The following CDH5 variants were observed in gnomAD, a reference collection of about 807,000 sequenced individuals.
CDH5 encodes the protein cadherin 5.
A neutral mutation model predicts 62.0 loss-of-function variants in CDH5; 28 were observed. That is an observed-to-expected ratio of 0.45 (90% CI 0.33 to 0.62). The LOEUF (loss-of-function observed/expected upper bound fraction) is 0.62, where lower values mean the gene tolerates loss of function less well. CDH5 is among the 20% of genes least tolerant of loss of function. The pLI is 0.02. For missense variants in CDH5, 940 were observed against 1,065.1 expected, an observed-to-expected ratio of 0.88 and a Z score of 1.63; for synonymous variants, 464 against 445.8, an observed-to-expected ratio of 1.04 and a Z score of -0.52.
chr16:66,384,108 T>G (rs1960942757), intron 2 of CDH5, among the ~76,000 whole-genome samples: 1 of 133,902 alleles, frequency 7.5e-6, no homozygotes. Context: ...TTTTTGAGTC[T>G]GAGTCTCGCT....
intron 1 of CDH5, among the ~76,000 whole-genome samples, chr16:66,373,527 T>A (rs1351147454): frequency 1.3e-5 from 2 of 151,990 alleles, no homozygotes; most frequent in Non-Finnish European, 2.9e-5. Context: ...GCGATTCTCG[T>A]GCCTCAGCCT....
At chr16:66,372,311 A>T (rs1960706199) in intron 1 of CDH5, among the ~76,000 whole-genome samples, 1 of 152,246 alleles carries the variant, frequency 6.6e-6, no homozygotes, top group South Asian at 2.1e-4. Context: ...CACATAGTAG[A>T]TGCTCAATAA....
rs2142327985 is a variant in CDH5 at position 66,388,331 on chromosome 16, A to G, written c.507A>G (p.Ser169=). 6.2e-7 allele frequency: 1 copy of G among 1,609,924 alleles called. No homozygotes were observed. Among genetic ancestry groups the G allele is most frequent in the Non-Finnish European group, 8.5e-7 (1 of 1,176,138 alleles). The change falls in exon 4 of 12, where the codon TCA becomes TCG. Residue 169 remains serine, a synonymous_variant. Transcript: ENST00000341529. The stretch of plus-strand genomic sequence containing the variant: ...AGGATTCTCTCTCTGCAGGGACCTC[A>G]GTCATCTCTGTGACAGCAGTGGATG... ...SVPESSAVGT[S]VISVTAVDAD... is the part of the protein sequence containing the mutation.
chr16:66,396,266 G>T, intron 8 of CDH5, 65 bp downstream of exon 8: 2 of 1,597,240 alleles, frequency 1.3e-6, no homozygotes, highest in African/African-American at 2.7e-5. Flanking sequence ...TCCAAAACTG[G>T]CATAATCAAT....
intron 6 of CDH5, 75 bp downstream of exon 6, chr16:66,390,665 T>C (rs1420274774): frequency 6.4e-6 from 9 of 1,400,824 alleles, no homozygotes; most frequent in Non-Finnish European, 8.9e-6. Flanking sequence ...GCTTGGGGAT[T>C]GCTCCTGGGC....
Position 66,392,169 on chromosome 16 carries a change from T to C in CDH5, c.1003T>C (p.Phe335Leu). The C allele has an allele frequency of 6.2e-7, 1 of 1,614,098 alleles. No individual in the cohort carries two copies. Among genetic ancestry groups the C allele is most frequent in the Non-Finnish European group, 8.5e-7 (1 of 1,180,014 alleles). ...TTATGAATACATCCAGCAATACAGC[T>C]TCATCGTCGAGGCCACAGACCCCAC... Reference protein sequence around the residue: ...LDYEYIQQYSFIVEATDPTID... With the variant: ...LDYEYIQQYSLIVEATDPTID... Residue 335 changes from phenylalanine (F) to leucine (L), a missense_variant, in exon 7 of 12, where the codon TTC (phenylalanine) becomes CTC (leucine). Transcript: ENST00000341529.
At chr16:66,393,800 A>G (rs776504515) in intron 7 of CDH5, among the ~76,000 whole-genome samples, 4 of 152,176 alleles carry the variant, frequency 2.6e-5, no homozygotes, top group Non-Finnish European at 5.9e-5. Flanking sequence ...TTTTTTAAAC[A>G]TTAGAATTCT....
At chr16:66,371,483 G>A (rs963051891) in intron 1 of CDH5, among the ~76,000 whole-genome samples, 1 of 152,162 alleles carries the variant, frequency 6.6e-6, no homozygotes, top group Non-Finnish European at 1.5e-5. Flanking sequence ...CTGGGGGTCA[G>A]GGAGGAGAGC....
At chr16:66,367,549 C>T (rs970280851) in intron 1 of CDH5, among the ~76,000 whole-genome samples, 3 of 152,220 alleles carry the variant, frequency 2.0e-5, no homozygotes, top group South Asian at 2.1e-4. Context: ...AGACAGCTGC[C>T]CTGGGTACAG....
intron 5 of CDH5, among the ~76,000 whole-genome samples, 176 bp from the exon 6 acceptor site, chr16:66,390,227 T>TGGAC (rs1174685132): frequency 2.0e-5 from 3 of 152,224 alleles, no homozygotes; most frequent in Non-Finnish European, 1.5e-5. Flanking sequence ...GATGGATGGA[T>TGGAC]GGACATACAG....
intron 1 of CDH5, among the ~76,000 whole-genome samples, chr16:66,375,347 AG>A (rs1481757569): frequency 6.6e-6 from 1 of 151,870 alleles, no homozygotes; most frequent in Admixed American, 6.6e-5. Context: ...TGGGCGATAT[AG>A]TCAAACCCCT....
chr16:66,378,757 G>A (rs907755685), intron 1 of CDH5, among the ~76,000 whole-genome samples: 35 of 152,202 alleles, frequency 2.3e-4, no homozygotes, highest in African/African-American at 8.2e-4. Context: ...TGACTCGCAA[G>A]TAGAAATGGT....
Position 66,398,456 on chromosome 16 carries a change from C to A in CDH5, c.1486C>A (p.Leu496Met). Residue 496 changes from leucine to methionine, a missense_variant and splice_region_variant, in exon 10 of 12, where the codon CTG becomes ATG. By Grantham distance (15) the Leu-to-Met change is conservative. Transcript: ENST00000341529. Reference protein sequence around the residue: ...KVCENAVHGQLVLQISAIDKD... With the variant: ...KVCENAVHGQMVLQISAIDKD... Reference sequence around the variant, plus strand: ...CCATCTCCTGTCTTCCACACTCCAGCTGGTCCTGCAGATCTCCGCAATAGA... The same window carrying A: ...CCATCTCCTGTCTTCCACACTCCAGATGGTCCTGCAGATCTCCGCAATAGA... The A allele has an allele frequency of 6.3e-7, 1 of 1,589,698 alleles. No homozygotes were observed. Among genetic ancestry groups the A allele is most frequent in the Non-Finnish European group, 8.6e-7 (1 of 1,157,568 alleles).
At chr16:66,389,718 G>T (rs1389210034) in intron 5 of CDH5, among the ~76,000 whole-genome samples, 196 bp downstream of exon 5, 1 of 152,092 alleles carries the variant, frequency 6.6e-6, no homozygotes, top group South Asian at 2.1e-4. Flanking sequence ...AGGCCATCCT[G>T]CCGCCCCCTG....
chr16:66,393,490 C>T (rs1024492908), intron 7 of CDH5, among the ~76,000 whole-genome samples: 7 of 152,312 alleles, frequency 4.6e-5, no homozygotes, highest in African/African-American at 1.4e-4. Flanking sequence ...TTGTTACACA[C>T]TTTTCAACAA....
At position 66,402,708 on chromosome 16, in the gene CDH5, G is replaced by C. The variant is rs759015093; in HGVS notation, c.1894G>C (p.Gly632Arg). The C allele has an allele frequency of 1.2e-5, 19 of 1,609,424 alleles. No homozygotes were observed. The highest frequency in any genetic ancestry group is 1.5e-5 in the Non-Finnish European group (18 of 1,179,138). The change falls in exon 12 of 12, where the codon GGC (glycine) becomes CGC (arginine). Residue 632 changes from glycine (G) to arginine (R), a missense_variant. Gly to Arg is a moderately radical substitution (Grantham distance 125). Coordinates refer to ENST00000341529, the MANE Select transcript of CDH5 (RefSeq NM_001795.5). The part of the protein sequence containing the change: ...RRLRKQARAH[G>R]KSVPEIHEQL... ...GCTCCGGAAGCAGGCCCGCGCGCAC[G>C]GCAAGAGCGTGCCGGAGATCCACGA...
At chr16:66,379,209 GCC>G (rs1960838750) in intron 1 of CDH5, 108 bp from the exon 2 acceptor site, 3 of 776,744 alleles carry the variant, frequency 3.9e-6, no homozygotes, top group Non-Finnish European at 6.4e-6. Flanking sequence ...GATTGTGTTT[GCC>G]CCAGGCTTTT....
At chr16:66,378,976 C>G (rs866498841) in intron 1 of CDH5, among the ~76,000 whole-genome samples, 1 of 152,142 alleles carries the variant, frequency 6.6e-6, no homozygotes. Flanking sequence ...AGGGAAAGGA[C>G]GCAAACCTTC....
At chr16:66,372,286 G>T (rs1960705743) in intron 1 of CDH5, among the ~76,000 whole-genome samples, 1 of 152,236 alleles carries the variant, frequency 6.6e-6, no homozygotes, top group Non-Finnish European at 1.5e-5. Flanking sequence ...TTCCTGCATG[G>T]AATTAAGTGC....
Sources: gnomAD v4.1 joint callset for allele counts (sites outside exome capture counted in the v4.1 genomes callset) on GRCh38, gnomAD v4.1.1 for gene constraint, MANE v1.5 for transcripts, NCBI Gene and HGNC (gene_info 2026-07-23, HGNC 2026-07-21) for gene names.